Variants in RELN observed in about 807,000 individuals in gnomAD.
RELN encodes the protein reelin.
RELN carries 108 observed loss-of-function variants against 427.6 expected under a neutral mutation model. The ratio of observed to expected loss-of-function variants is 0.25; its 90% CI spans 0.22 to 0.30. The LOEUF (loss-of-function observed/expected upper bound fraction) is 0.30. RELN is among the 10% of genes least tolerant of loss of function. The probability of loss-of-function intolerance (pLI) is 1.00; values close to 1 mark genes in which losing one functional copy is unlikely to be tolerated. For synonymous variants in RELN, 1,524 were observed against 1,513.4 expected, an observed-to-expected ratio of 1.01 and a Z score of -0.16; for missense variants, 3,715 against 4,302.8, an observed-to-expected ratio of 0.86 and a Z score of 3.82.
rs746298106 is a variant in RELN, at chr7:103,495,878, T to C, written c.9214A>G (p.Asn3072Asp). Residue 3072 changes from asparagine to aspartate, a missense_variant, in exon 57 of 65, where the codon AAC becomes GAC. Around this residue, in one of 4 missense-constraint regions of RELN, gnomAD observed 1,310 missense variants for 1,643.0 expected, o/e 0.80. Coordinates refer to ENST00000428762, the MANE Select transcript of RELN (RefSeq NM_005045.4). ...ACAGCATTAGGGTAAAAACTCCAGT[T>C]TTCTTCATGGGAAGTGCCTTCTGTT... The part of the protein sequence containing the change: ...FDDEGTSHEE[N>D]WSFYPNAVRT... The C allele has an allele frequency of 1.2e-6, 2 of 1,613,802 alleles. No individual in the cohort carries two copies. The highest frequency in any genetic ancestry group is 1.7e-6 in the Non-Finnish European group (2 of 1,179,880).
intron 6 of RELN, among the ~76,000 whole-genome samples, chr7:103,732,959 C>T (rs1790392467): frequency 6.6e-6 from 1 of 152,010 alleles, no homozygotes; most frequent in Admixed American, 6.6e-5. Context: ...GTTGCCATTG[C>T]TTTTGGTGTT....
At chr7:103,705,198 A>G (rs1168402778) in intron 8 of RELN, among the ~76,000 whole-genome samples, 1 of 152,186 alleles carries the variant, frequency 6.6e-6, no homozygotes, top group Non-Finnish European at 1.5e-5. Context: ...AGATCAGCCA[A>G]TTAACATATC....
In RELN at chr7:103,593,601, G is replaced by A. The variant is rs1831470476; in HGVS notation, c.3912+81C>T. On this transcript the variant is annotated intron_variant, in intron 27 of 64. Transcript: ENST00000428762. ...CTTTAATAGAATATGAAAAATTTGTGTTCTTTGTGAGTTCCACTTATACAT... is the reference window on the plus strand; with the variant it reads ...CTTTAATAGAATATGAAAAATTTGTATTCTTTGTGAGTTCCACTTATACAT... 6.5e-6 allele frequency: 8 copies of A among 1,228,832 alleles called. No homozygotes were observed. In the South Asian group the frequency reaches 9.7e-5, roughly 15 times the overall value. 76.1% of individuals were successfully genotyped at this position (1,228,832 alleles called of 1,614,324 possible).
intron 2 of RELN, among the ~76,000 whole-genome samples, chr7:103,853,864 A>G (rs1563052471): frequency 1.3e-5 from 2 of 152,122 alleles, no homozygotes; most frequent in East Asian, 3.8e-4. Context: ...TGGCTACCAA[A>G]TACAAAGTTA....
chr7:103,592,894 G>T (rs1831452845), intron 27 of RELN, among the ~76,000 whole-genome samples: 1 of 152,098 alleles, frequency 6.6e-6, no homozygotes, highest in Non-Finnish European at 1.5e-5. Flanking sequence ...AACAAGGAAG[G>T]GTTACATTTT....
chr7:103,717,101 G>A lies in RELN; in HGVS notation c.805+6039C>T, dbSNP rs879372366. Among the ~76,000 whole-genome samples, 8 of 152,012 alleles carry A rather than the reference G, an allele frequency of 5.3e-5. No homozygotes were observed. The South Asian group carries it at 8.3e-4, about 16-fold the overall frequency. ...GGGGATAATACCTGTGTCAAATTGC[G>A]CATTTTAATTCATATAAAAATATTT... On this transcript the variant is annotated intron_variant, in intron 8 of 64. Transcript: ENST00000428762.
At chr7:103,775,321 T>G (rs941713370) in intron 4 of RELN, among the ~76,000 whole-genome samples, 2 of 151,896 alleles carry the variant, frequency 1.3e-5, no homozygotes, top group African/African-American at 4.9e-5. Flanking sequence ...CCAGGAATAC[T>G]GATAATATGT....
At chr7:103,833,486 A>G in intron 3 of RELN, 51 bp downstream of exon 3, 1 of 1,493,360 alleles carries the variant, frequency 6.7e-7, no homozygotes, top group South Asian at 1.1e-5. Context: ...TCCCATGAGA[A>G]GTCCTAAGTA....
At chr7:103,677,765 C>CAAAAAA (rs60678229) in intron 11 of RELN, among the ~76,000 whole-genome samples, 5 of 56,040 alleles carry the variant, frequency 8.9e-5, no homozygotes, top group Non-Finnish European at 1.6e-4. Flanking sequence ...GAATCTGTCT[C>CAAAAAA]AAAAAAAAAA....
intron 20 of RELN, among the ~76,000 whole-genome samples, chr7:103,617,741 T>G (rs1009971627): frequency 2.0e-5 from 3 of 152,084 alleles, no homozygotes; most frequent in African/African-American, 7.2e-5. Flanking sequence ...CCTCCAAATC[T>G]CATTTTGAAA....
At chr7:103,691,332 C>T (rs1833866510) in intron 10 of RELN, among the ~76,000 whole-genome samples, 1 of 151,700 alleles carries the variant, frequency 6.6e-6, no homozygotes, top group African/African-American at 2.4e-5. Context: ...GATAGTCCCC[C>T]CCGCCAAAAA....
chr7:103,482,427 T>C (rs117519489), intron 63 of RELN, among the ~76,000 whole-genome samples: 1 of 152,290 alleles, frequency 6.6e-6, no homozygotes, highest in Non-Finnish European at 1.5e-5. Flanking sequence ...CCACAAACTC[T>C]TTGTTCTAGT....
intron 11 of RELN, among the ~76,000 whole-genome samples, chr7:103,672,686 T>C (rs555064112): frequency 2.0e-5 from 3 of 152,266 alleles, no homozygotes; most frequent in South Asian, 2.1e-4. Flanking sequence ...TAGAGAATGA[T>C]TGAGGTTTCA....
chr7:103,892,959 T>G (rs530514066), intron 2 of RELN, among the ~76,000 whole-genome samples: 200 of 152,246 alleles, frequency 1.3e-3, no homozygotes, highest in African/African-American at 4.5e-3. Context: ...AACAAAGAAA[T>G]TTTGAAAGAG....
intron 2 of RELN, among the ~76,000 whole-genome samples, chr7:103,846,887 G>C (rs1369515583): frequency 6.6e-6 from 1 of 152,216 alleles, no homozygotes; most frequent in East Asian, 1.9e-4. Context: ...TCTCATGCCA[G>C]TTAGAACGGC....
At chr7:103,762,701 C>T (rs1471290017) in intron 4 of RELN, among the ~76,000 whole-genome samples, 1 of 152,200 alleles carries the variant, frequency 6.6e-6, no homozygotes, top group Non-Finnish European at 1.5e-5. Context: ...CTAATCATCT[C>T]CTCTGTTCCT....
chr7:103,907,705 G>C (rs1795244695), intron 2 of RELN, among the ~76,000 whole-genome samples: 1 of 151,550 alleles, frequency 6.6e-6, no homozygotes, highest in African/African-American at 2.4e-5. Context: ...AAATTTTATA[G>C]TATGTAAATT....
intron 2 of RELN, among the ~76,000 whole-genome samples, chr7:103,870,151 T>G (rs771634357): frequency 6.6e-6 from 1 of 152,126 alleles, no homozygotes; most frequent in Non-Finnish European, 1.5e-5. Context: ...ATGCTTTTTT[T>G]TGTGCTTTGA....
intron 8 of RELN, among the ~76,000 whole-genome samples, 199 bp downstream of exon 8, chr7:103,722,941 T>C (rs1232740234): frequency 1.3e-5 from 2 of 152,198 alleles, no homozygotes; most frequent in Non-Finnish European, 2.9e-5. Flanking sequence ...TACCATTCAC[T>C]GCTGGAGAGA....
Sources: allele counts gnomAD v4.1 joint callset (sites outside exome capture counted in the v4.1 genomes callset), GRCh38; gene constraint gnomAD v4.1.1; regional missense constraint gnomAD v4.1.1; transcripts MANE v1.5; gene names NCBI Gene and HGNC (gene_info 2026-07-23, HGNC 2026-07-21).